UBE2W: variants seen among roughly 807,000 people sequenced by gnomAD.
The protein encoded by UBE2W is ubiquitin conjugating enzyme E2 W.
In UBE2W, 18 loss-of-function variants were observed where a neutral mutation model predicts 27.2. The observed-to-expected ratio is 0.66, with a 90% CI of 0.46 to 0.98. The LOEUF (loss-of-function observed/expected upper bound fraction) is 0.98. Ranked by LOEUF, UBE2W falls within the 50% of genes least tolerant of loss-of-function variation. The pLI is 0.00. For missense variants in UBE2W, 90 were observed against 180.2 expected (o/e 0.50, Z 2.87); for synonymous variants, 53 against 57.2 (o/e 0.93, Z 0.33).
At chr8:73,800,719 A>C (rs988116303) in intron 5 of UBE2W, among the ~76,000 whole-genome samples, 1 of 152,212 alleles carries the variant, frequency 6.6e-6, no homozygotes, top group Non-Finnish European at 1.5e-5. Context: ...ACGTGTCTCC[A>C]AACTACTAAA....
intron 1 of UBE2W, among the ~76,000 whole-genome samples, chr8:73,838,851 T>C (rs986747334): frequency 6.6e-6 from 1 of 152,200 alleles, no homozygotes; most frequent in Non-Finnish European, 1.5e-5. Context: ...CTTTGTAACA[T>C]CACTTCAGCC....
chr8:73,805,472 C>CAAAACAAAAAACAAAAACAAAAAAA (rs1554579998), intron 5 of UBE2W, among the ~76,000 whole-genome samples, 179 bp downstream of exon 5: 1 of 43,676 alleles, frequency 2.3e-5, no homozygotes, highest in Non-Finnish European at 5.0e-5. Context: ...AAAAAAAAAA[C>CAAAACAAAAAACAAAAACAAAAAAA]AAAAAAAACT....
At chr8:73,781,619 GTTT>G (rs112691687), downstream of UBE2W, among the ~76,000 whole-genome samples, 65 of 140,918 alleles carry the variant, frequency 4.6e-4, no homozygotes, top group African/African-American at 1.5e-3. Context: ...TCAGGTTTGG[GTTT>G]TTTTTTTTTT....
At chr8:73,806,428 G>A (rs34535133) in intron 4 of UBE2W, among the ~76,000 whole-genome samples, 5,128 of 151,456 alleles carry the variant, frequency 0.034, 115 homozygotes, top group Non-Finnish European at 0.056. Flanking sequence ...GGCCAGGCGC[G>A]GTGGCTCACG....
Position 73,788,156 on chromosome 8 carries a change from G to A in UBE2W, c.*5946C>T. The A allele has an allele frequency of 8.2e-6, 8 of 978,378 alleles. No homozygotes were observed. Among genetic ancestry groups the A allele is most frequent in the Non-Finnish European group, 9.7e-6 (8 of 823,594 alleles). 60.6% of individuals were successfully genotyped at this position (978,378 alleles called of 1,614,324 possible). On this transcript the variant is annotated 3_prime_UTR_variant, in exon 6 of 6. Transcript: ENST00000602593. Reference sequence around the variant, plus strand: ...AATAACAACTGCTTTATTATTAAAAGTTATGAAATTCCATAAAGCAAAGTA... The same window carrying A: ...AATAACAACTGCTTTATTATTAAAAATTATGAAATTCCATAAAGCAAAGTA...
downstream of UBE2W, among the ~76,000 whole-genome samples, chr8:73,784,052 T>C (rs1343570707): frequency 1.3e-5 from 2 of 152,242 alleles, no homozygotes; most frequent in Middle Eastern, 3.4e-3. Context: ...CACCTGGCCA[T>C]AACATGGTTT....
chr8:73,850,725 T>TAAAAAAAA (rs11318665), intron 1 of UBE2W, among the ~76,000 whole-genome samples: 1 of 63,586 alleles, frequency 1.6e-5, no homozygotes, highest in Non-Finnish European at 2.9e-5. Context: ...AGCAGGACAT[T>TAAAAAAAA]AAAAAAAAAA....
At chr8:73,785,389 T>A (rs1441010944), downstream of UBE2W, among the ~76,000 whole-genome samples, 4 of 152,006 alleles carry the variant, frequency 2.6e-5, no homozygotes, top group Admixed American at 2.6e-4. Flanking sequence ...CTGATCCGCC[T>A]GCCTTGGCCT....
Position 73,787,932 on chromosome 8 carries a change from G to C in UBE2W, c.*6170C>G, listed in dbSNP as rs1241127335. The C allele has an allele frequency of 1.6e-5, 16 of 985,080 alleles. No individual in the cohort carries two copies. The highest frequency in any genetic ancestry group is 1.9e-5 in the Non-Finnish European group (16 of 829,778). 61.0% of individuals were successfully genotyped at this position (985,080 alleles called of 1,614,324 possible). On this transcript the variant is annotated 3_prime_UTR_variant, in exon 6 of 6. Transcript: ENST00000602593. ...AACTAGCTACATATTACATAAAGGT[G>C]ATGTGTTAAATAGATGGTTTAAGTG...
downstream of UBE2W, among the ~76,000 whole-genome samples, chr8:73,781,226 C>A (rs995534664): frequency 1.3e-5 from 2 of 148,522 alleles, no homozygotes; most frequent in African/African-American, 2.5e-5. Flanking sequence ...GCCGAGATCG[C>A]GCCATTGCAC....
intron 3 of UBE2W, among the ~76,000 whole-genome samples, chr8:73,819,264 G>A (rs1209613844): frequency 6.6e-6 from 1 of 151,794 alleles, no homozygotes; most frequent in African/African-American, 2.4e-5. Flanking sequence ...TATTCTACTC[G>A]TTGCTTACTG....
At chr8:73,818,488 G>C (rs1809481606) in intron 3 of UBE2W, among the ~76,000 whole-genome samples, 1 of 152,102 alleles carries the variant, frequency 6.6e-6, no homozygotes, top group Admixed American at 6.5e-5. Flanking sequence ...CCTTCCAAAG[G>C]CTTCCCCATC....
At chr8:73,845,076 T>C (rs7841994) in intron 1 of UBE2W, among the ~76,000 whole-genome samples, 49 of 6,294 alleles carry the variant, frequency 7.8e-3, no homozygotes, top group South Asian at 0.045. Flanking sequence ...CCCGGCCAGC[T>C]GCACCATCTG....
chr8:73,790,597 A>AT lies in UBE2W; in HGVS notation c.*3504dup. 1 of 985,154 alleles carries AT rather than the reference A, an allele frequency of 1.0e-6. No homozygotes were observed. The highest frequency in any genetic ancestry group is 1.1e-4 in the East Asian group (1 of 8,820). 61.0% of individuals were successfully genotyped at this position (985,154 alleles called of 1,614,324 possible). A position where few individuals can be genotyped will look rare whatever the true frequency, so the allele number is the denominator to read the frequency against. On this transcript the variant is annotated 3_prime_UTR_variant, in exon 6 of 6. Transcript: ENST00000602593. ...TCAAGAAATATAAGCAGCAGTAACC[A>AT]TAAAGGCTTAGAACTAGTGACACTG...
At chr8:73,830,269 C>T (rs775242278) in intron 2 of UBE2W, 112 bp downstream of exon 2, 1 of 750,588 alleles carries the variant, frequency 1.3e-6, no homozygotes, top group Non-Finnish European at 2.2e-6. Context: ...CTCTATTTAC[C>T]TCTTGGTGAA....
chr8:73,872,162 G>A (rs575672250), intron 1 of UBE2W, among the ~76,000 whole-genome samples: 2 of 152,296 alleles, frequency 1.3e-5, no homozygotes, highest in African/African-American at 4.8e-5. Context: ...AGGATAATCT[G>A]ATATTACTTT....
intron 3 of UBE2W, among the ~76,000 whole-genome samples, chr8:73,815,187 G>T (rs1809335751): frequency 6.6e-6 from 1 of 152,036 alleles, no homozygotes; most frequent in Admixed American, 6.6e-5. Flanking sequence ...GACCAGCCTG[G>T]GTAACAAAGT....
At position 73,825,263 on chromosome 8, in the gene UBE2W, G is replaced by A. The variant is rs370468802; in HGVS notation, c.108-14C>T. On this transcript the variant is annotated splice_polypyrimidine_tract_variant and intron_variant, in intron 2 of 5. Coordinates refer to ENST00000602593, the MANE Select transcript of UBE2W (RefSeq NM_018299.6). ...TCTACAATCCACCTAGAATAGAAAAGGCAAATTAAAAACTTAAGATAATAG... is the reference window on the plus strand; with the variant it reads ...TCTACAATCCACCTAGAATAGAAAAAGCAAATTAAAAACTTAAGATAATAG... 2 of 1,532,522 alleles carry A rather than the reference G, an allele frequency of 1.3e-6. No homozygotes were observed. Among genetic ancestry groups the A allele is most frequent in the East Asian group, 4.8e-5 (2 of 41,602 alleles). 94.9% of individuals were successfully genotyped at this position (1,532,522 alleles called of 1,614,324 possible). A position where few individuals can be genotyped will look rare whatever the true frequency, so the allele number is the denominator to read the frequency against.
intron 5 of UBE2W, among the ~76,000 whole-genome samples, chr8:73,802,615 C>T (rs1162741717): frequency 2.0e-5 from 3 of 152,194 alleles, no homozygotes; most frequent in Non-Finnish European, 4.4e-5. Context: ...ATAGGCCAGG[C>T]GCAGTGGCTC....
Sources: gnomAD v4.1 joint callset for allele counts (sites outside exome capture counted in the v4.1 genomes callset) on GRCh38, gnomAD v4.1.1 for gene constraint, MANE v1.5 for transcripts, NCBI Gene and HGNC (gene_info 2026-07-23, HGNC 2026-07-21) for gene names.